ERGIC1: variants seen among roughly 807,000 people sequenced by gnomAD.
ERGIC1 encodes endoplasmic reticulum-Golgi intermediate compartment protein 1.
Under a neutral mutation model 38.3 loss-of-function variants are expected in ERGIC1, and 19 were observed. That is an observed-to-expected ratio of 0.50 (90% CI 0.35 to 0.73). ERGIC1 has a LOEUF of 0.73. Ranked by LOEUF, ERGIC1 falls within the 30% of genes least tolerant of loss-of-function variation. The pLI is 0.01. For synonymous variants in ERGIC1, 124 were observed against 157.6 expected (o/e 0.79, Z 1.60); for missense variants, 294 against 389.2 (o/e 0.76, Z 2.06).
chr5:172,939,031 C>T (rs1284785751), intron 9 of ERGIC1, among the ~76,000 whole-genome samples: 1 of 151,442 alleles, frequency 6.6e-6, no homozygotes, highest in Non-Finnish European at 1.5e-5. Flanking sequence ...CCACTGCACT[C>T]GGGTCTGGGC....
At chr5:172,845,048 G>GGC (rs1761253529) in intron 1 of ERGIC1, among the ~76,000 whole-genome samples, 1 of 140,792 alleles carries the variant, frequency 7.1e-6, no homozygotes, top group Non-Finnish European at 1.6e-5. Context: ...GTATATAGGG[G>GGC]GGACAGGACT....
intron 1 of ERGIC1, among the ~76,000 whole-genome samples, chr5:172,872,204 G>GCTTCA: frequency 6.6e-6 from 1 of 152,142 alleles, no homozygotes; most frequent in African/African-American, 2.4e-5. Flanking sequence ...TTCTCCTCCA[G>GCTTCA]CCTCGTCCCC....
chr5:172,912,965 C>T (rs961516579), intron 4 of ERGIC1, among the ~76,000 whole-genome samples: 5 of 152,120 alleles, frequency 3.3e-5, no homozygotes, highest in African/African-American at 9.7e-5. Flanking sequence ...AGATGGGGTT[C>T]GCCATATTGG....
At chr5:172,891,985 A>G (rs184902037) in intron 2 of ERGIC1, among the ~76,000 whole-genome samples, 60 of 151,334 alleles carry the variant, frequency 4.0e-4, no homozygotes, top group African/African-American at 1.4e-3. Context: ...ATCCTTGTCC[A>G]TATCTTTTTG....
At chr5:172,857,462 G>T (rs549063101) in intron 1 of ERGIC1, among the ~76,000 whole-genome samples, 1 of 152,252 alleles carries the variant, frequency 6.6e-6, no homozygotes, top group South Asian at 2.1e-4. Context: ...GGGACTCACT[G>T]CCTTGTGTGC....
At chr5:172,915,257 C>A in intron 5 of ERGIC1, 1 of 591,382 alleles carries the variant, frequency 1.7e-6, no homozygotes, top group South Asian at 2.0e-5. Flanking sequence ...ATTAAATGAG[C>A]TAATGCAGAT....
intron 1 of ERGIC1, among the ~76,000 whole-genome samples, chr5:172,860,954 C>T (rs924673016): frequency 1.3e-5 from 2 of 152,176 alleles, no homozygotes; most frequent in Non-Finnish European, 2.9e-5. Flanking sequence ...GGCTGGAGAC[C>T]GGCCCTGGCA....
At chr5:172,850,782 G>A (rs1036853618) in intron 1 of ERGIC1, among the ~76,000 whole-genome samples, 21 of 152,242 alleles carry the variant, frequency 1.4e-4, no homozygotes, top group Middle Eastern at 3.4e-3. Flanking sequence ...CTTCTAAAGC[G>A]GAGGTTGCAA....
intron 3 of ERGIC1, among the ~76,000 whole-genome samples, chr5:172,902,690 T>C (rs903213742): frequency 6.6e-6 from 1 of 152,126 alleles, no homozygotes; most frequent in Non-Finnish European, 1.5e-5. Context: ...CACATACTTT[T>C]ACCTGGACGA....
chr5:172,851,383 C>T (rs1468641172), intron 1 of ERGIC1, among the ~76,000 whole-genome samples: 1 of 151,862 alleles, frequency 6.6e-6, no homozygotes, highest in East Asian at 1.9e-4. Flanking sequence ...GTGGCATGCA[C>T]CAGTAGTCCC....
intron 5 of ERGIC1, chr5:172,920,393 T>C (rs1312697026): frequency 1.4e-6 from 1 of 717,850 alleles, no homozygotes; most frequent in Admixed American, 2.0e-5. Context: ...ATGTCAGAGT[T>C]TGCGTGTTTT....
intron 4 of ERGIC1, 52 bp downstream of exon 4, chr5:172,909,813 A>ATG (rs747163003): frequency 1.7e-5 from 26 of 1,492,150 alleles, no homozygotes; most frequent in Non-Finnish European, 2.3e-5. Context: ...CTTAGGGCAA[A>ATG]TGTGTGTGTG....
chr5:172,880,771 G>C (rs1309997120), intron 1 of ERGIC1, among the ~76,000 whole-genome samples: 1 of 152,240 alleles, frequency 6.6e-6, no homozygotes, highest in East Asian at 1.9e-4. Context: ...ACCGTGAGGA[G>C]CGTTGAGGGC....
chr5:172,938,580 C>G (rs142323881), intron 9 of ERGIC1, among the ~76,000 whole-genome samples: 86 of 151,130 alleles, frequency 5.7e-4, no homozygotes, highest in African/African-American at 1.9e-3. Flanking sequence ...GGCAAAACCT[C>G]GTCTCTAGTT....
intron 1 of ERGIC1, among the ~76,000 whole-genome samples, chr5:172,862,985 G>A (rs797000919): frequency 6.6e-5 from 10 of 152,132 alleles, no homozygotes; most frequent in African/African-American, 1.9e-4. Flanking sequence ...TTATTTATAC[G>A]CACATATATA....
intron 1 of ERGIC1, among the ~76,000 whole-genome samples, chr5:172,835,916 G>T (rs2113497515): frequency 1.3e-5 from 2 of 152,300 alleles, no homozygotes; most frequent in Non-Finnish European, 2.9e-5. Context: ...GTTAAGTCTG[G>T]GCCATAAGAG....
intron 1 of ERGIC1, chr5:172,867,017 G>A (rs1184753834): frequency 2.7e-6 from 1 of 373,424 alleles, no homozygotes; most frequent in Non-Finnish European, 5.5e-6. Context: ...TGCAGATGGA[G>A]ATGATGATGC....
At chr5:172,935,515 T>C in intron 9 of ERGIC1, 1 of 598,262 alleles carries the variant, frequency 1.7e-6, no homozygotes, top group Admixed American at 3.0e-5. Flanking sequence ...TGACGTTTTG[T>C]CTAGAAAGTA....
intron 4 of ERGIC1, among the ~76,000 whole-genome samples, chr5:172,911,460 C>T (rs1197736928): frequency 1.3e-5 from 2 of 152,226 alleles, no homozygotes; most frequent in Admixed American, 6.5e-5. Context: ...ACCTCCACCC[C>T]ATTCCCTGCC....
Sources: allele counts gnomAD v4.1 joint callset (sites outside exome capture counted in the v4.1 genomes callset), GRCh38; gene constraint gnomAD v4.1.1; transcripts MANE v1.5; gene names NCBI Gene and HGNC (gene_info 2026-07-23, HGNC 2026-07-21).